Variants in GPC5 observed in about 807,000 individuals in gnomAD.
GPC5 encodes glypican-5.
A neutral mutation model predicts 53.9 loss-of-function variants in GPC5; 47 were observed. That is an observed-to-expected ratio of 0.87 (90% CI 0.69 to 1.11). GPC5 has a LOEUF of 1.11. Ranked by LOEUF, GPC5 falls within the 50% of genes most tolerant of loss-of-function variation. The pLI is 0.00. For missense variants in GPC5, 748 were observed against 713.1 expected, an observed-to-expected ratio of 1.05 and a Z score of -0.56; for synonymous variants, 286 against 263.3, an observed-to-expected ratio of 1.09 and a Z score of -0.84.
chr13:92,556,187 A>T lies in GPC5; in HGVS notation c.1562-310095A>T, dbSNP rs1295592288. ...TCTCCTGCTTTTGCTTTTTACAAGTATTCCAGGAAGATTGTAATGAATCTA... is the reference window on the plus strand; with the variant it reads ...TCTCCTGCTTTTGCTTTTTACAAGTTTTCCAGGAAGATTGTAATGAATCTA... On this transcript the variant is annotated intron_variant, in intron 7 of 7. Coordinates refer to ENST00000377067, the MANE Select transcript of GPC5 (RefSeq NM_004466.6). 2.0e-5 allele frequency among the ~76,000 whole-genome samples: 3 copies of T among 151,808 alleles called. No homozygotes were observed. In the Admixed American group the frequency reaches 2.0e-4, roughly 10 times the overall value.
At chr13:92,212,451 G>A (rs2042382126) in intron 7 of GPC5, among the ~76,000 whole-genome samples, 1 of 152,150 alleles carries the variant, frequency 6.6e-6, no homozygotes, top group African/African-American at 2.4e-5. Flanking sequence ...CAAAATTCAT[G>A]AGCAGCTTTG....
At chr13:91,571,991 G>T (rs1414292358) in intron 2 of GPC5, among the ~76,000 whole-genome samples, 1 of 130,156 alleles carries the variant, frequency 7.7e-6, no homozygotes, top group Non-Finnish European at 1.5e-5. Context: ...GTATATATGT[G>T]TATATGTGTA....
chr13:91,529,903 C>G (rs1319874775), intron 2 of GPC5, among the ~76,000 whole-genome samples: 2 of 151,974 alleles, frequency 1.3e-5, no homozygotes, highest in Non-Finnish European at 2.9e-5. Context: ...TCCTGGCTCT[C>G]TAGTCTTGAC....
chr13:91,549,176 G>A lies in GPC5; in HGVS notation c.325+100254G>A, dbSNP rs539558801. On this transcript the variant is annotated intron_variant, in intron 2 of 7. Transcript: ENST00000377067. Reference sequence around the variant, plus strand: ...CCCAACTACTCGTGAGGCTGAGGCAGGAGAATCTCTTGAACCCAGGAGGTG... The same window carrying A: ...CCCAACTACTCGTGAGGCTGAGGCAAGAGAATCTCTTGAACCCAGGAGGTG... Among the ~76,000 whole-genome samples, 9 of 151,990 alleles carry A rather than the reference G, an allele frequency of 5.9e-5. No individual in the cohort carries two copies. The East Asian group carries it at 1.7e-3, about 29-fold the overall frequency.
intron 6 of GPC5, among the ~76,000 whole-genome samples, chr13:92,138,364 A>G (rs1216386810): frequency 6.6e-6 from 1 of 151,948 alleles, no homozygotes; most frequent in East Asian, 1.9e-4. Context: ...TACTAAAAAT[A>G]CAAAAATTAC....
chr13:91,514,434 T>G (rs1002723396), intron 2 of GPC5, among the ~76,000 whole-genome samples: 1 of 152,200 alleles, frequency 6.6e-6, no homozygotes, highest in Non-Finnish European at 1.5e-5. Context: ...TTACTATCTG[T>G]ATATGCTCAT....
At chr13:91,728,434 G>C (rs767214145) in intron 3 of GPC5, 98 bp from the exon 4 acceptor site, 43 of 1,151,716 alleles carry the variant, frequency 3.7e-5, no homozygotes, top group Admixed American at 4.9e-5. Flanking sequence ...TGAGGTGAAA[G>C]CAAAAACGTG....
chr13:91,661,556 A>T (rs768053132), intron 2 of GPC5, among the ~76,000 whole-genome samples: 5 of 152,198 alleles, frequency 3.3e-5, no homozygotes, highest in Admixed American at 6.5e-5. Flanking sequence ...TTATGTGATA[A>T]GTACTGTGGG....
At chr13:91,627,010 T>TATGGC (rs776425422) in intron 2 of GPC5, among the ~76,000 whole-genome samples, 19 of 13,796 alleles carry the variant, frequency 1.4e-3, no homozygotes, top group South Asian at 8.7e-3. Flanking sequence ...CATCATTTTT[T>TATGGC]TTTTTTTTTT....
chr13:92,764,398 C>G lies in GPC5; in HGVS notation c.1562-101884C>G, dbSNP rs187358012. 1.2e-3 allele frequency among the ~76,000 whole-genome samples: 184 copies of G among 152,332 alleles called. 1 individual carries two copies. Among genetic ancestry groups the G allele is most frequent in the African/African-American group, 4.3e-3 (180 of 41,582 alleles). ...GTGGTGCAGCTCAGTAGCTGTATGGCTCATGGGGGCTAGGACATAGCGTCA... is the reference window on the plus strand; with the variant it reads ...GTGGTGCAGCTCAGTAGCTGTATGGGTCATGGGGGCTAGGACATAGCGTCA... On this transcript the variant is annotated intron_variant, in intron 7 of 7. Coordinates refer to ENST00000377067, the MANE Select transcript of GPC5 (RefSeq NM_004466.6).
At chr13:91,545,697 C>T (rs1280309806) in intron 2 of GPC5, among the ~76,000 whole-genome samples, 1 of 151,982 alleles carries the variant, frequency 6.6e-6, no homozygotes, top group Non-Finnish European at 1.5e-5. Flanking sequence ...ATAGTAACTT[C>T]CCATTTCCTC....
At chr13:91,960,287 G>A (rs1325146595) in intron 6 of GPC5, among the ~76,000 whole-genome samples, 2 of 151,606 alleles carry the variant, frequency 1.3e-5, no homozygotes, top group African/African-American at 4.8e-5. Context: ...TATCAATAAT[G>A]AACTAACTGA....
intron 7 of GPC5, among the ~76,000 whole-genome samples, chr13:92,494,099 TG>T (rs11292704): frequency 0.38 from 43,305 of 114,442 alleles, 7,059 homozygotes; most frequent in Middle Eastern, 0.54. Flanking sequence ...TGTTTTGTTT[TG>T]TTTTTTTGAG....
chr13:92,188,164 ATATG>A (rs1379634331), intron 7 of GPC5, among the ~76,000 whole-genome samples: 16 of 152,136 alleles, frequency 1.1e-4, no homozygotes, highest in Non-Finnish European at 2.2e-4. Flanking sequence ...TACTAGTTGC[ATATG>A]TAATATTTAA....
intron 2 of GPC5, among the ~76,000 whole-genome samples, chr13:91,661,936 G>A (rs1413539896): frequency 6.6e-6 from 1 of 152,178 alleles, no homozygotes; most frequent in East Asian, 1.9e-4. Context: ...CAATGAACTG[G>A]CACGGTCTTA....
chr13:92,475,816 G>A (rs1461736802), intron 7 of GPC5, among the ~76,000 whole-genome samples: 1 of 152,048 alleles, frequency 6.6e-6, no homozygotes, highest in African/African-American at 2.4e-5. Flanking sequence ...TTAATAAATG[G>A]TGCTGGGAAA....
At chr13:92,790,353 G>A (rs1440204290) in intron 7 of GPC5, among the ~76,000 whole-genome samples, 1 of 152,270 alleles carries the variant, frequency 6.6e-6, no homozygotes, top group Non-Finnish European at 1.5e-5. Flanking sequence ...GAAGAAAAAT[G>A]TGCAATCAAG....
chr13:91,659,826 T>A (rs2034941738), intron 2 of GPC5, among the ~76,000 whole-genome samples: 1 of 152,182 alleles, frequency 6.6e-6, no homozygotes, highest in Admixed American at 6.5e-5. Context: ...TAGGCTGGAC[T>A]TAATTGACTC....
chr13:92,582,422 A>G (rs1005480195), intron 7 of GPC5, among the ~76,000 whole-genome samples: 2 of 152,232 alleles, frequency 1.3e-5, no homozygotes, highest in Non-Finnish European at 2.9e-5. Context: ...GCTTTAGAGT[A>G]GATTTTGAAA....
Sources: allele counts gnomAD v4.1 joint callset (sites outside exome capture counted in the v4.1 genomes callset), GRCh38; gene constraint gnomAD v4.1.1; transcripts MANE v1.5; gene names NCBI Gene and HGNC (gene_info 2026-07-23, HGNC 2026-07-21).